Variants in CTCFL observed in about 807,000 individuals in gnomAD.
The protein encoded by CTCFL is transcriptional repressor CTCFL.
In CTCFL, 36 loss-of-function variants were observed where a neutral mutation model predicts 67.4. That is an observed-to-expected ratio of 0.53 (90% CI 0.41 to 0.71). The LOEUF (loss-of-function observed/expected upper bound fraction) is 0.71, where lower values mean the gene tolerates loss of function less well. Ranked by LOEUF, CTCFL falls within the 30% of genes least tolerant of loss-of-function variation. The pLI is 0.00. For synonymous variants in CTCFL, 324 were observed against 302.3 expected, an observed-to-expected ratio of 1.07 and a Z score of -0.75; for missense variants, 786 against 835.2, an observed-to-expected ratio of 0.94 and a Z score of 0.73.
downstream of CTCFL, among the ~76,000 whole-genome samples, chr20:57,496,873 T>A (rs1266836397): frequency 6.6e-6 from 1 of 152,234 alleles, no homozygotes; most frequent in Non-Finnish European, 1.5e-5. Context: ...GTTGTTTTCA[T>A]CTTTGACTAT....
chr20:57,510,945 T>C (rs569234674), intron 8 of CTCFL, among the ~76,000 whole-genome samples: 28 of 152,344 alleles, frequency 1.8e-4, no homozygotes, highest in Non-Finnish European at 3.2e-4. Context: ...ATAAAGAAAA[T>C]TTGGTCTCAC....
At position 57,498,339 on chromosome 20, in the gene CTCFL, C is replaced by T; in HGVS notation, c.*211G>A. 3 of 1,302,866 alleles carry T rather than the reference C, an allele frequency of 2.3e-6. No individual in the cohort carries two copies. The highest frequency in any genetic ancestry group is 2.9e-6 in the Non-Finnish European group (3 of 1,021,904). The allele number at this position is 1,302,866 out of a possible 1,614,324, so 80.7% of individuals were successfully genotyped here. ...AGGAGAACAATTCTAGACACTACCTCAAACTTGTGTCATCCATTGTCATGA... is the reference window on the plus strand; with the variant it reads ...AGGAGAACAATTCTAGACACTACCTTAAACTTGTGTCATCCATTGTCATGA... On this transcript the variant is annotated 3_prime_UTR_variant, in exon 11 of 11. Transcript: ENST00000243914.
intron 10 of CTCFL, among the ~76,000 whole-genome samples, chr20:57,499,073 C>CGGGGGGGGGGGGGGGGGGGGGG (rs11475885): frequency 1.5e-5 from 1 of 65,340 alleles, no homozygotes; most frequent in Admixed American, 1.7e-4. Flanking sequence ...CTGAAGGTGA[C>CGGGGGGGGGGGGGGGGGGGGGG]GGGGGGGGGG....
At position 57,508,668 on chromosome 20, in the gene CTCFL, C is replaced by T. The variant is rs188483123; in HGVS notation, c.1612G>A (p.Asp538Asn). 15 of 1,614,112 alleles carry T rather than the reference C, an allele frequency of 9.3e-6. No homozygotes were observed. In the Admixed American group the frequency reaches 1.0e-4, roughly 11 times the overall value. Residue 538 changes from aspartate to asparagine, a missense_variant, in exon 9 of 11, where the codon GAT (aspartate) becomes AAT (asparagine). Coordinates refer to ENST00000243914, the MANE Select transcript of CTCFL (RefSeq NM_001386993.1). ...LLNAHFRKYHDANFIPTVYKC... is the reference protein window; with the variant it reads ...LLNAHFRKYHNANFIPTVYKC... ...TAAACAGTCGGGATGAAATTTGCAT[C>T]GTGGTATTTCCTGAAGTGAGCGTTT...
intron 10 of CTCFL, among the ~76,000 whole-genome samples, chr20:57,501,974 T>C (rs963146567): frequency 7.2e-5 from 11 of 152,244 alleles, no homozygotes; most frequent in African/African-American, 2.4e-4. Context: ...GTGGTCATGA[T>C]AAGAAGGGAC....
intron 5 of CTCFL, chr20:57,518,487 T>C (rs1193692284): frequency 7.2e-7 from 1 of 1,392,366 alleles, no homozygotes; most frequent in Non-Finnish European, 9.4e-7. Flanking sequence ...TTTAAACAAA[T>C]CTGGGACTTA....
chr20:57,502,344 T>C (rs191050952), intron 10 of CTCFL, among the ~76,000 whole-genome samples: 1 of 152,206 alleles, frequency 6.6e-6, no homozygotes, highest in Non-Finnish European at 1.5e-5. Context: ...TTCAGATACA[T>C]GATGAACATT....
In CTCFL at chr20:57,503,667, CT is replaced by C. The variant is rs947815228; in HGVS notation, c.1675-67del. The C allele has an allele frequency of 5.2e-6, 8 of 1,530,230 alleles. No individual in the cohort carries two copies. The African/African-American group carries it at 1.4e-4, about 26-fold the overall frequency. The allele number at this position is 1,530,230 out of a possible 1,614,324, so 94.8% of individuals were successfully genotyped here. A position where few individuals can be genotyped will look rare whatever the true frequency, so the allele number is the denominator to read the frequency against. On this transcript the variant is annotated intron_variant, in intron 9 of 10. Transcript: ENST00000243914. ...TGGGGCAGGGACCCCTCTCAGGGGCCTGTGGGGACCCCACGCATGGAAAGAA... is the reference window on the plus strand; with the variant it reads ...TGGGGCAGGGACCCCTCTCAGGGGCCGTGGGGACCCCACGCATGGAAAGAA...
intron 7 of CTCFL, 45 bp from the exon 8 acceptor site, chr20:57,512,797 C>G (rs749233881): frequency 1.3e-6 from 2 of 1,581,766 alleles, no homozygotes; most frequent in East Asian, 4.5e-5. Flanking sequence ...GTGTTGTTTT[C>G]TGTTAGCCTG....
chr20:57,512,772 TTA>T lies in CTCFL; in HGVS notation c.1331-22_1331-21del, dbSNP rs1322514704. 2 of 1,611,612 alleles carry T rather than the reference TTA, an allele frequency of 1.2e-6. No homozygotes were observed. The highest frequency in any genetic ancestry group is 1.7e-6 in the Non-Finnish European group (2 of 1,178,024). On this transcript the variant is annotated intron_variant, in intron 7 of 10. Coordinates refer to ENST00000243914, the MANE Select transcript of CTCFL (RefSeq NM_001386993.1). ...GCACACCTAAAATGGTCACAGAACA[TTA>T]TATACTTCAAGAGTGTTGTTTTCTG...
intron 7 of CTCFL, chr20:57,513,661 T>C: frequency 2.5e-6 from 3 of 1,183,084 alleles, no homozygotes; most frequent in Middle Eastern, 3.1e-4. Context: ...ACGGCAACAA[T>C]GACAGAATGG....
rs2068150985 is a variant in CTCFL at position 57,505,416 on chromosome 20, C to T, written c.1675-1815G>A. ...GACTACAGGCATGTGCCACCACGCC[C>T]GGCTAATTTTTTGTATTTTTCAGTA... On this transcript the variant is annotated intron_variant, in intron 9 of 10. Transcript: ENST00000243914. Among the ~76,000 whole-genome samples the T allele has an allele frequency of 2.6e-5, 4 of 151,690 alleles. No homozygotes were observed. In the South Asian group the frequency reaches 6.2e-4, roughly 24 times the overall value.
At chr20:57,496,314 C>T (rs1238657402), downstream of CTCFL, 1 of 687,806 alleles carries the variant, frequency 1.5e-6, no homozygotes, top group Non-Finnish European at 2.7e-6. Flanking sequence ...CTGAGGCCTC[C>T]CCAGAAGCCA....
Position 57,507,793 on chromosome 20 carries a change from CTGTCAGGTGATAAATGTT to C in CTCFL, c.1674+795_1674+812del, listed in dbSNP as rs1291705156. ...CTTCCGAGTTCCCAACCCAGAGAAT[CTGTCAGGTGATAAATGTT>C]TGTGGTTTTAAGCCACTCCATTTTG... On this transcript the variant is annotated intron_variant, in intron 9 of 10. Transcript: ENST00000243914. 7 of 702,932 alleles carry C rather than the reference CTGTCAGGTGATAAATGTT, an allele frequency of 1.0e-5. No homozygotes were observed. The East Asian group carries it at 1.9e-4, about 19-fold the overall frequency. The allele number at this position is 702,932 out of a possible 1,614,324, so 43.5% of individuals were successfully genotyped here. A position where few individuals can be genotyped will look rare whatever the true frequency, so the allele number is the denominator to read the frequency against.
At chr20:57,500,787 C>T (rs2067873211) in intron 10 of CTCFL, among the ~76,000 whole-genome samples, 1 of 152,078 alleles carries the variant, frequency 6.6e-6, no homozygotes, top group Admixed American at 6.5e-5. Flanking sequence ...CAAAATTCAC[C>T]CCAAATCATT....
intron 10 of CTCFL, among the ~76,000 whole-genome samples, chr20:57,501,330 T>C (rs2067902173): frequency 6.7e-6 from 1 of 148,764 alleles, no homozygotes; most frequent in Non-Finnish European, 1.5e-5. Flanking sequence ...TTTCTGAAGA[T>C]ACGGAGCATG....
At chr20:57,502,348 G>T (rs369152223) in intron 10 of CTCFL, among the ~76,000 whole-genome samples, 6 of 152,206 alleles carry the variant, frequency 3.9e-5, no homozygotes, top group Non-Finnish European at 8.8e-5. Context: ...GATACATGAT[G>T]AACATTTTTT....
intron 8 of CTCFL, among the ~76,000 whole-genome samples, 191 bp from the exon 9 acceptor site, chr20:57,508,979 C>G (rs1331586597): frequency 6.6e-6 from 1 of 152,206 alleles, no homozygotes; most frequent in East Asian, 1.9e-4. Context: ...AAACAAAACT[C>G]GTATGCAGCA....
chr20:57,499,855 T>TG, intron 10 of CTCFL: 5 of 541,574 alleles, frequency 9.2e-6, no homozygotes, highest in Non-Finnish European at 1.2e-5. Flanking sequence ...ATGCGCCCGA[T>TG]GGGGAGCGGC....
Sources: allele counts gnomAD v4.1 joint callset (sites outside exome capture counted in the v4.1 genomes callset), GRCh38; gene constraint gnomAD v4.1.1; transcripts MANE v1.5; gene names NCBI Gene and HGNC (gene_info 2026-07-23, HGNC 2026-07-21).